WWOX: variants seen among roughly 807,000 people sequenced by gnomAD.
WWOX encodes the protein WW domain-containing oxidoreductase.
WWOX carries 69 observed loss-of-function variants against 46.2 expected under a neutral mutation model. That is an observed-to-expected ratio of 1.49 (90% confidence interval 1.23 to 1.82). WWOX has a LOEUF of 1.82. WWOX is among the 40% of genes most tolerant of loss of function. WWOX has a pLI of 0.00. For missense variants in WWOX, 919 were observed against 542.6 expected, an observed-to-expected ratio of 1.69 and a Z score of -6.89; for synonymous variants, 359 against 202.6, an observed-to-expected ratio of 1.77 and a Z score of -6.56.
At chr16:79,054,960 A>G (rs1023233747) in intron 8 of WWOX, among the ~76,000 whole-genome samples, 1 of 152,220 alleles carries the variant, frequency 6.6e-6, no homozygotes, top group African/African-American at 2.4e-5. Flanking sequence ...CTGTATTTTG[A>G]GAGTTTGTGT....
chr16:78,107,949 A>G (rs1300565482), intron 1 of WWOX, among the ~76,000 whole-genome samples: 1 of 152,052 alleles, frequency 6.6e-6, no homozygotes, highest in African/African-American at 2.4e-5. Flanking sequence ...TTTATTTTTG[A>G]GACAGAGTCT....
At chr16:78,807,098 A>G (rs2051061195) in intron 8 of WWOX, among the ~76,000 whole-genome samples, 1 of 152,208 alleles carries the variant, frequency 6.6e-6, no homozygotes, top group Admixed American at 6.5e-5. Context: ...TGCAGACTGG[A>G]TGCTCAATAA....
intron 8 of WWOX, among the ~76,000 whole-genome samples, chr16:79,020,580 C>T (rs1339378189): frequency 6.6e-6 from 1 of 152,146 alleles, no homozygotes; most frequent in East Asian, 1.9e-4. Context: ...TATTGTCATC[C>T]TTTTTATTAG....
intron 5 of WWOX, among the ~76,000 whole-genome samples, chr16:78,271,248 CA>C (rs2079472555): frequency 6.6e-6 from 1 of 152,072 alleles, no homozygotes. Context: ...ACCTGAGTTT[CA>C]AATCTGTTGT....
intron 8 of WWOX, among the ~76,000 whole-genome samples, chr16:78,451,601 G>T (rs1452174698): frequency 2.0e-5 from 3 of 152,162 alleles, no homozygotes; most frequent in Non-Finnish European, 4.4e-5. Context: ...CTTTTTCACT[G>T]TAAAATGGGG....
At chr16:78,491,908 C>T (rs1206516424) in intron 8 of WWOX, among the ~76,000 whole-genome samples, 1 of 152,194 alleles carries the variant, frequency 6.6e-6, no homozygotes, top group Non-Finnish European at 1.5e-5. Flanking sequence ...TTTCATTACC[C>T]TTATCAAGAT....
intron 8 of WWOX, among the ~76,000 whole-genome samples, chr16:78,612,607 G>C (rs1302686351): frequency 6.6e-6 from 1 of 152,094 alleles, no homozygotes; most frequent in Non-Finnish European, 1.5e-5. Flanking sequence ...TGCCAAGTAG[G>C]ACTACAGTTG....
intron 8 of WWOX, among the ~76,000 whole-genome samples, chr16:78,637,486 C>T (rs1315702753): frequency 6.6e-6 from 1 of 152,000 alleles, no homozygotes; most frequent in Non-Finnish European, 1.5e-5. Flanking sequence ...ACAGATGAGG[C>T]TTTTAAAGAT....
At chr16:78,993,045 A>G (rs964511598) in intron 8 of WWOX, among the ~76,000 whole-genome samples, 5 of 152,048 alleles carry the variant, frequency 3.3e-5, no homozygotes, top group Admixed American at 6.6e-5. Context: ...TTTCATATAT[A>G]ATTTTTCATA....
chr16:78,835,856 C>T (rs1554979), intron 8 of WWOX, among the ~76,000 whole-genome samples: 27,022 of 152,148 alleles, frequency 0.18, 2,680 homozygotes, highest in Middle Eastern at 0.31. Flanking sequence ...AATCTGAATT[C>T]AACATATTTA....
At chr16:78,309,731 A>G (rs2080204375) in intron 5 of WWOX, among the ~76,000 whole-genome samples, 1 of 152,154 alleles carries the variant, frequency 6.6e-6, no homozygotes, top group African/African-American at 2.4e-5. Context: ...GACTACCCAG[A>G]ATTAAACTGG....
chr16:79,080,678 A>G (rs2048744247), intron 8 of WWOX, among the ~76,000 whole-genome samples: 1 of 152,166 alleles, frequency 6.6e-6, no homozygotes, highest in Admixed American at 6.5e-5. Context: ...TTGAAAAACC[A>G]TGGCTTAGCC....
chr16:79,065,587 T>TTA (rs1034576538), intron 8 of WWOX, among the ~76,000 whole-genome samples: 2 of 152,214 alleles, frequency 1.3e-5, no homozygotes, highest in African/African-American at 4.8e-5. Flanking sequence ...AATAGTGATG[T>TTA]TATCTACAGG....
chr16:78,221,740 A>G (rs2036894972), intron 5 of WWOX, among the ~76,000 whole-genome samples: 1 of 152,162 alleles, frequency 6.6e-6, no homozygotes. Context: ...GTGATGTGTG[A>G]TTATTACCAT....
intron 8 of WWOX, among the ~76,000 whole-genome samples, chr16:78,620,350 A>G (rs1400311748): frequency 6.6e-6 from 1 of 152,194 alleles, no homozygotes; most frequent in Non-Finnish European, 1.5e-5. Context: ...CCTCCTATCA[A>G]TCAGGTGCTT....
At chr16:78,975,901 C>T (rs1426867171) in intron 8 of WWOX, among the ~76,000 whole-genome samples, 1 of 152,204 alleles carries the variant, frequency 6.6e-6, no homozygotes, top group South Asian at 2.1e-4. Context: ...TCAGCAGCCA[C>T]ATGTCACCCC....
At chr16:78,586,621 AC>A in intron 8 of WWOX, among the ~76,000 whole-genome samples, 1 of 152,360 alleles carries the variant, frequency 6.6e-6, no homozygotes, top group East Asian at 1.9e-4. Flanking sequence ...TAACCAAGTC[AC>A]AATTTTAATA....
chr16:78,888,036 C>G (rs2044504667), intron 8 of WWOX, among the ~76,000 whole-genome samples: 1 of 152,192 alleles, frequency 6.6e-6, no homozygotes, highest in Non-Finnish European at 1.5e-5. Context: ...TAGAATATAA[C>G]TGTATGGCGA....
chr16:78,261,788 C>CTAGATATATATA lies in WWOX; in HGVS notation c.516+97501_516+97502insGATATATATATA, dbSNP rs1491587303. ...TCTATCTATGTATCTATCTATCTATCTATATATATATATATATATATATAT... is the reference window on the plus strand; with the variant it reads ...TCTATCTATGTATCTATCTATCTATCTAGATATATATATATATATATATATATATATATATAT... On this transcript the variant is annotated intron_variant, in intron 5 of 8. Coordinates refer to ENST00000566780, the MANE Select transcript of WWOX (RefSeq NM_016373.4). 1.7e-3 allele frequency among the ~76,000 whole-genome samples: 122 copies of CTAGATATATATA among 73,732 alleles called. 1 individual carries two copies. The highest frequency in any genetic ancestry group is 6.8e-3 in the African/African-American group (118 of 17,436). 48.4% of individuals were successfully genotyped at this position (73,732 alleles called of 152,430 possible). A position where few individuals can be genotyped will look rare whatever the true frequency, so the allele number is the denominator to read the frequency against.
Sources: gnomAD v4.1 joint callset for allele counts (sites outside exome capture counted in the v4.1 genomes callset) on GRCh38, gnomAD v4.1.1 for gene constraint, MANE v1.5 for transcripts, NCBI Gene and HGNC (gene_info 2026-07-23, HGNC 2026-07-21) for gene names.